Variants in MTSS1 observed in about 807,000 individuals in gnomAD.
MTSS1 encodes the protein MTSS I-BAR domain containing 1.
A neutral mutation model predicts 79.0 loss-of-function variants in MTSS1; 18 were observed. The observed-to-expected ratio is 0.23, with a 90% confidence interval of 0.16 to 0.34. MTSS1 has a LOEUF of 0.34. MTSS1 is among the 10% of genes least tolerant of loss of function. The pLI, the probability that MTSS1 is intolerant of heterozygous loss-of-function variation, is 1.00. For synonymous variants in MTSS1, 341 were observed against 368.6 expected (o/e 0.93, Z 0.86); for missense variants, 815 against 986.2 (o/e 0.83, Z 2.33).
At chr8:124,701,323 C>A (rs1829669787) in intron 2 of MTSS1, among the ~76,000 whole-genome samples, 1 of 152,114 alleles carries the variant, frequency 6.6e-6, no homozygotes, top group South Asian at 2.1e-4. Flanking sequence ...ACAAAAGGTT[C>A]CTGCAAGGTG....
intron 3 of MTSS1, among the ~76,000 whole-genome samples, chr8:124,689,527 C>T (rs1465016124): frequency 2.0e-5 from 3 of 151,928 alleles, no homozygotes; most frequent in Non-Finnish European, 4.4e-5. Flanking sequence ...AGGCGGATCA[C>T]CTGAGGTCGG....
intron 3 of MTSS1, among the ~76,000 whole-genome samples, chr8:124,672,070 CATAATT>C (rs2134678002): frequency 6.6e-6 from 1 of 152,322 alleles, no homozygotes; most frequent in Non-Finnish European, 1.5e-5. Context: ...AATGCAGCTT[CATAATT>C]TCTGAAGGAA....
chr8:124,667,243 G>A (rs1823271890), intron 3 of MTSS1, among the ~76,000 whole-genome samples: 1 of 152,164 alleles, frequency 6.6e-6, no homozygotes, highest in African/African-American at 2.4e-5. Flanking sequence ...ATGGATTCTG[G>A]CACCCTCTCA....
At chr8:124,703,412 C>A (rs1208096723) in intron 2 of MTSS1, among the ~76,000 whole-genome samples, 4 of 152,222 alleles carry the variant, frequency 2.6e-5, no homozygotes, top group Non-Finnish European at 4.4e-5. Context: ...CCTGTCTCAG[C>A]CTCCCAAGTA....
intron 3 of MTSS1, among the ~76,000 whole-genome samples, chr8:124,692,174 C>G (rs1264964148): frequency 6.6e-6 from 1 of 151,874 alleles, no homozygotes; most frequent in Non-Finnish European, 1.5e-5. Flanking sequence ...GAATTAGAGG[C>G]CCGCCACCAA....
At chr8:124,631,471 C>T (rs1411154059) in intron 3 of MTSS1, among the ~76,000 whole-genome samples, 1 of 152,232 alleles carries the variant, frequency 6.6e-6, no homozygotes, top group African/African-American at 2.4e-5. Context: ...GCCCGCAGGC[C>T]ACTGCCTCCT....
intron 3 of MTSS1, among the ~76,000 whole-genome samples, chr8:124,591,560 G>A (rs895009795): frequency 9.9e-5 from 15 of 152,008 alleles, no homozygotes; most frequent in Non-Finnish European, 1.6e-4. Flanking sequence ...CCTATAAATC[G>A]ACCATGACCT....
intron 3 of MTSS1, among the ~76,000 whole-genome samples, chr8:124,611,495 G>C (rs931003547): frequency 6.6e-6 from 1 of 152,006 alleles, no homozygotes; most frequent in South Asian, 2.1e-4. Flanking sequence ...ACAGGTGCCT[G>C]GGATACTCTC....
intron 3 of MTSS1, among the ~76,000 whole-genome samples, chr8:124,691,202 G>A (rs1472614228): frequency 1.3e-5 from 2 of 150,836 alleles, no homozygotes; most frequent in African/African-American, 4.9e-5. Context: ...AAAGCAGACT[G>A]TACATTTACA....
chr8:124,563,439 G>A (rs1215098349), intron 9 of MTSS1: 1 of 204,256 alleles, frequency 4.9e-6, no homozygotes, highest in East Asian at 1.5e-4. Flanking sequence ...CAGCATGACT[G>A]GAATGTTCTT....
intron 3 of MTSS1, among the ~76,000 whole-genome samples, chr8:124,693,671 A>G (rs936085422): frequency 1.3e-5 from 2 of 152,106 alleles, no homozygotes; most frequent in African/African-American, 4.8e-5. Flanking sequence ...CCTCCTACAC[A>G]CACTCCAAGT....
At chr8:124,589,889 G>A (rs569141790) in intron 4 of MTSS1, among the ~76,000 whole-genome samples, 178 bp from the exon 5 acceptor site, 31 of 152,208 alleles carry the variant, frequency 2.0e-4, no homozygotes, top group African/African-American at 7.2e-4. Context: ...ACAGAGTCTC[G>A]CTCTGTCACC....
At chr8:124,715,833 T>C (rs560956525) in intron 1 of MTSS1, among the ~76,000 whole-genome samples, 21 of 152,310 alleles carry the variant, frequency 1.4e-4, no homozygotes, top group African/African-American at 4.3e-4. Flanking sequence ...CAATTCCAGA[T>C]GTGCTCACTG....
At chr8:124,596,765 G>A (rs1832838007) in intron 3 of MTSS1, among the ~76,000 whole-genome samples, 1 of 152,122 alleles carries the variant, frequency 6.6e-6, no homozygotes, top group African/African-American at 2.4e-5. Context: ...TGCTGCTGGT[G>A]ACTCCAGCAT....
At chr8:124,605,257 C>T (rs561135135) in intron 3 of MTSS1, among the ~76,000 whole-genome samples, 1 of 152,344 alleles carries the variant, frequency 6.6e-6, no homozygotes, top group Admixed American at 6.5e-5. Context: ...GACTCGATGA[C>T]GCCAGCTCCT....
rs906805122 is a variant in MTSS1 at position 124,567,684 on chromosome 8, C to G, written c.619-506G>C. ...AGACAAGTAAGACAGGAGCTGGGGA[C>G]CATGGAAGAAACATCCCATGTGCTT... On this transcript the variant is annotated intron_variant, in intron 7 of 13. Coordinates refer to ENST00000518547, the MANE Select transcript of MTSS1 (RefSeq NM_014751.6). 3 of 1,459,514 alleles carry G rather than the reference C, an allele frequency of 2.1e-6. No individual in the cohort carries two copies. In the East Asian group the frequency reaches 7.5e-5, roughly 37 times the overall value. 90.4% of individuals were successfully genotyped at this position (1,459,514 alleles called of 1,614,324 possible). A position where few individuals can be genotyped will look rare whatever the true frequency, so the allele number is the denominator to read the frequency against.
rs2133130359 is a variant in MTSS1, at chr8:124,605,659, A to G, written c.209-14424T>C. Among the ~76,000 whole-genome samples, 2 of 145,546 alleles carry G rather than the reference A, an allele frequency of 1.4e-5. 1 individual carries two copies. The highest frequency in any genetic ancestry group is 4.6e-4 in the South Asian group (2 of 4,382). On this transcript the variant is annotated intron_variant, in intron 3 of 13. Transcript: ENST00000518547. ...GCGCTGGGCTCCCGTTGGAGATCAG[A>G]ACTCCCTGTGATAAACATCTATCCT...
At chr8:124,581,551 G>A (rs1177696596) in intron 6 of MTSS1, among the ~76,000 whole-genome samples, 1 of 151,732 alleles carries the variant, frequency 6.6e-6, no homozygotes, top group African/African-American at 2.4e-5. Flanking sequence ...CACCTTCCAG[G>A]TTCAAGCAAT....
intron 3 of MTSS1, among the ~76,000 whole-genome samples, chr8:124,672,264 C>A (rs556897847): frequency 1.3e-5 from 2 of 151,990 alleles, no homozygotes; most frequent in Admixed American, 1.3e-4. Context: ...GAGGCCAAGG[C>A]GGGTGGATGA....
Sources: gnomAD v4.1 joint callset for allele counts (sites outside exome capture counted in the v4.1 genomes callset) on GRCh38, gnomAD v4.1.1 for gene constraint, MANE v1.5 for transcripts, NCBI Gene and HGNC (gene_info 2026-07-23, HGNC 2026-07-21) for gene names.